The following RELN variants were observed in gnomAD, a reference collection of about 807,000 sequenced individuals.
The protein encoded by RELN is reelin.
A neutral mutation model predicts 427.6 loss-of-function variants in RELN; 108 were observed. The observed-to-expected ratio is 0.25, with a 90% CI of 0.22 to 0.30. RELN has a LOEUF of 0.30. Among genes scored for constraint, RELN ranks in the 10% least tolerant of loss-of-function variants. The pLI is 1.00. For synonymous variants in RELN, 1,524 were observed against 1,513.4 expected (o/e 1.01, Z -0.16); for missense variants, 3,715 against 4,302.8 (o/e 0.86, Z 3.82).
intron 1 of RELN, among the ~76,000 whole-genome samples, chr7:103,972,864 C>T (rs1796792117): frequency 6.6e-6 from 1 of 150,828 alleles, no homozygotes; most frequent in Non-Finnish European, 1.5e-5. Flanking sequence ...AGATGCTTCA[C>T]ACACTGCTAA....
At chr7:103,622,149 C>A (rs1446317142) in intron 20 of RELN, among the ~76,000 whole-genome samples, 1 of 152,224 alleles carries the variant, frequency 6.6e-6, no homozygotes. Flanking sequence ...TGTCTCCTTA[C>A]TTCTGAAACC....
At chr7:103,635,393 A>G in intron 19 of RELN, 32 bp downstream of exon 19, 1 of 1,609,462 alleles carries the variant, frequency 6.2e-7, no homozygotes, top group Non-Finnish European at 8.5e-7. Flanking sequence ...ATTTCACTCT[A>G]CAACCATTTT....
intron 3 of RELN, among the ~76,000 whole-genome samples, chr7:103,812,925 C>T (rs1163042036): frequency 3.3e-5 from 5 of 152,192 alleles, no homozygotes; most frequent in Non-Finnish European, 5.9e-5. Flanking sequence ...TCTCTAGACA[C>T]ATTTGCTTGA....
At chr7:103,496,415 G>A (rs945740242) in intron 56 of RELN, 111 bp downstream of exon 56, 3 of 1,390,248 alleles carry the variant, frequency 2.2e-6, no homozygotes, top group Non-Finnish European at 3.1e-6. Flanking sequence ...TGTTGAGCAG[G>A]AGTATGGGCT....
chr7:103,549,991 T>C (rs1334473906), intron 41 of RELN, among the ~76,000 whole-genome samples: 2 of 152,252 alleles, frequency 1.3e-5, no homozygotes, highest in East Asian at 3.8e-4. Context: ...TTGCCTCCTC[T>C]GGCTATCAGT....
At chr7:103,535,240 T>G in intron 46 of RELN, 76 bp downstream of exon 46, 4 of 1,410,340 alleles carry the variant, frequency 2.8e-6, no homozygotes, top group Non-Finnish European at 4.0e-6. Flanking sequence ...CTCATTAAAC[T>G]TGACATGCCA....
intron 2 of RELN, among the ~76,000 whole-genome samples, chr7:103,861,301 G>A (rs1794066515): frequency 6.6e-6 from 1 of 152,002 alleles, no homozygotes; most frequent in Non-Finnish European, 1.5e-5. Context: ...ATAGGCTCTT[G>A]GGGTTCAAAA....
At chr7:103,493,128 T>C (rs1828722756) in intron 57 of RELN, among the ~76,000 whole-genome samples, 1 of 152,166 alleles carries the variant, frequency 6.6e-6, no homozygotes, top group East Asian at 1.9e-4. Flanking sequence ...CTGACCATGA[T>C]GTCAAAGACA....
chr7:103,961,030 T>C (rs1490358343), intron 1 of RELN, among the ~76,000 whole-genome samples: 1 of 152,216 alleles, frequency 6.6e-6, no homozygotes, highest in Non-Finnish European at 1.5e-5. Context: ...TCTTTAAACA[T>C]GACTACAGAC....
chr7:103,890,472 A>G (rs1794822628), intron 2 of RELN, among the ~76,000 whole-genome samples: 2 of 152,120 alleles, frequency 1.3e-5, no homozygotes, highest in South Asian at 4.1e-4. Context: ...CACAAACCCT[A>G]TTGTGAACTG....
intron 38 of RELN, among the ~76,000 whole-genome samples, chr7:103,554,480 A>C (rs950282727): frequency 2.1e-5 from 3 of 142,848 alleles, no homozygotes; most frequent in Non-Finnish European, 3.0e-5. Context: ...CTGAGGTGGG[A>C]GGATGGTTGA....
At chr7:103,609,283 T>C (rs1339720256) in intron 22 of RELN, among the ~76,000 whole-genome samples, 1 of 151,344 alleles carries the variant, frequency 6.6e-6, no homozygotes. Flanking sequence ...TTTGAAAGTG[T>C]GCTTCACATG....
At chr7:103,484,177 G>A in intron 61 of RELN, 1 of 319,852 alleles carries the variant, frequency 3.1e-6, no homozygotes, top group Non-Finnish European at 5.9e-6. Flanking sequence ...ACTGTGCCCG[G>A]CTGGGAAATC....
At chr7:103,708,873 CGTT>C (rs1452093123) in intron 8 of RELN, among the ~76,000 whole-genome samples, 1 of 152,110 alleles carries the variant, frequency 6.6e-6, no homozygotes, top group Non-Finnish European at 1.5e-5. Flanking sequence ...CCCCGTCACT[CGTT>C]GACCTCCGAT....
chr7:103,713,978 T>C (rs1033264439), intron 8 of RELN, among the ~76,000 whole-genome samples: 1 of 152,178 alleles, frequency 6.6e-6, no homozygotes, highest in Non-Finnish European at 1.5e-5. Context: ...TGATCTACTG[T>C]TAAGTAGAGC....
At chr7:103,807,926 G>A (rs903945094) in intron 3 of RELN, among the ~76,000 whole-genome samples, 1 of 152,118 alleles carries the variant, frequency 6.6e-6, no homozygotes, top group South Asian at 2.1e-4. Context: ...GCAGAAGACT[G>A]TAAGTTTATT....
intron 2 of RELN, among the ~76,000 whole-genome samples, chr7:103,869,008 C>T (rs968363727): frequency 1.3e-5 from 2 of 151,840 alleles, no homozygotes; most frequent in African/African-American, 2.4e-5. Context: ...AAAATATATG[C>T]CTTTTAATTG....
intron 19 of RELN, among the ~76,000 whole-genome samples, chr7:103,633,953 C>T (rs938774955): frequency 6.6e-6 from 1 of 152,062 alleles, no homozygotes; most frequent in African/African-American, 2.4e-5. Flanking sequence ...TTTACCTGTA[C>T]AGGGAAAATA....
chr7:103,623,875 C>T (rs1416154579), intron 20 of RELN, among the ~76,000 whole-genome samples: 3 of 152,058 alleles, frequency 2.0e-5, no homozygotes, highest in Non-Finnish European at 4.4e-5. Flanking sequence ...TTTGAGTTAC[C>T]CATTACTACA....
Sources: gnomAD v4.1 joint callset for allele counts (sites outside exome capture counted in the v4.1 genomes callset) on GRCh38, gnomAD v4.1.1 for gene constraint, MANE v1.5 for transcripts, NCBI Gene and HGNC (gene_info 2026-07-23, HGNC 2026-07-21) for gene names.